The following GDAP1 variants were observed in gnomAD, a reference collection of about 807,000 sequenced individuals.
GDAP1 encodes the protein ganglioside induced differentiation associated protein 1.
GDAP1 carries 34 observed loss-of-function variants against 40.1 expected under a neutral mutation model. The observed-to-expected ratio is 0.85, with a 90% CI of 0.64 to 1.13. GDAP1 has a LOEUF of 1.13. Among genes scored for constraint, GDAP1 ranks in the 50% most tolerant of loss-of-function variants. The pLI is 0.00. For missense variants in GDAP1, 374 were observed against 433.7 expected (o/e 0.86, Z 1.22); for synonymous variants, 170 against 157.4 (o/e 1.08, Z -0.60).
intron 2 of GDAP1, among the ~76,000 whole-genome samples, chr8:74,394,154 G>A (rs1426972761): frequency 2.0e-5 from 3 of 152,170 alleles, no homozygotes; most frequent in African/African-American, 4.8e-5. Flanking sequence ...CACGTCCTAC[G>A]TGGATGGCTG....
chr8:74,473,577 T>C (rs1348312092), intron 2 of GDAP1, among the ~76,000 whole-genome samples: 1 of 152,218 alleles, frequency 6.6e-6, no homozygotes, highest in African/African-American at 2.4e-5. Context: ...GCTTGCTTTT[T>C]TTCAGCTTTG....
chr8:74,459,494 T>G (rs963197159), intron 2 of GDAP1, among the ~76,000 whole-genome samples: 1 of 152,180 alleles, frequency 6.6e-6, no homozygotes, highest in Non-Finnish European at 1.5e-5. Context: ...TGACAGGCAC[T>G]CCAGGTGATT....
At chr8:74,448,354 T>C (rs899122948) in intron 2 of GDAP1, among the ~76,000 whole-genome samples, 4 of 152,188 alleles carry the variant, frequency 2.6e-5, no homozygotes, top group African/African-American at 9.6e-5. Context: ...TGAAGAGTTT[T>C]GTTATATGAA....
chr8:74,389,948 C>G (rs919211978), intron 2 of GDAP1, among the ~76,000 whole-genome samples: 1 of 152,060 alleles, frequency 6.6e-6, no homozygotes, highest in Non-Finnish European at 1.5e-5. Context: ...CTGATATGTT[C>G]AATCTCCGAT....
At chr8:74,480,599 A>G (rs1806698400) in intron 2 of GDAP1, among the ~76,000 whole-genome samples, 1 of 152,224 alleles carries the variant, frequency 6.6e-6, no homozygotes, top group Non-Finnish European at 1.5e-5. Context: ...CATAAAAGGA[A>G]GTTGTTGCCT....
At chr8:74,368,620 A>G (rs921005439), downstream of GDAP1, among the ~76,000 whole-genome samples, 1 of 152,200 alleles carries the variant, frequency 6.6e-6, no homozygotes, top group African/African-American at 2.4e-5. Context: ...GCAATTTACT[A>G]GAGATATTGG....
chr8:74,459,005 A>G (rs1200565809), intron 2 of GDAP1, among the ~76,000 whole-genome samples: 1 of 152,090 alleles, frequency 6.6e-6, no homozygotes, highest in Non-Finnish European at 1.5e-5. Flanking sequence ...GGTGGTTTTA[A>G]CTCACCCTGT....
intron 5 of GDAP1, among the ~76,000 whole-genome samples, 190 bp from the exon 6 acceptor site, chr8:74,363,795 C>T (rs377666685): frequency 1.3e-5 from 2 of 152,096 alleles, no homozygotes; most frequent in East Asian, 1.9e-4. Flanking sequence ...GCCTAGGATA[C>T]GTTTGCATGG....
At chr8:74,448,271 A>T (rs553129648) in intron 2 of GDAP1, among the ~76,000 whole-genome samples, 2 of 151,906 alleles carry the variant, frequency 1.3e-5, no homozygotes, top group South Asian at 4.2e-4. Flanking sequence ...ATGTCTTTTC[A>T]TTTGCTCCAC....
chr8:74,384,203 T>C (rs1484862887), intron 2 of GDAP1, among the ~76,000 whole-genome samples: 1 of 152,016 alleles, frequency 6.6e-6, no homozygotes, highest in Non-Finnish European at 1.5e-5. Flanking sequence ...CCCGAGAAGA[T>C]TGTGTGTGTT....
chr8:74,377,811 G>A (rs1434354694), intron 2 of GDAP1, among the ~76,000 whole-genome samples: 1 of 152,174 alleles, frequency 6.6e-6, no homozygotes, highest in African/African-American at 2.4e-5. Flanking sequence ...CCACATGTTT[G>A]TGCAGGCTTT....
At chr8:74,362,537 T>C (rs1022703789) in intron 4 of GDAP1, among the ~76,000 whole-genome samples, 3 of 152,176 alleles carry the variant, frequency 2.0e-5, no homozygotes, top group African/African-American at 7.2e-5. Context: ...CTTGACTGAC[T>C]CTCCACTCGC....
intron 2 of GDAP1, among the ~76,000 whole-genome samples, chr8:74,405,984 G>T (rs1805634144): frequency 6.7e-6 from 1 of 150,040 alleles, no homozygotes; most frequent in Non-Finnish European, 1.5e-5. Flanking sequence ...CCACATGGGA[G>T]ATTTTCCAAG....
intron 2 of GDAP1, among the ~76,000 whole-genome samples, chr8:74,436,206 G>T (rs900280819): frequency 6.6e-6 from 1 of 152,032 alleles, no homozygotes; most frequent in Non-Finnish European, 1.5e-5. Context: ...TTAATACATG[G>T]CTCTGTCCAC....
chr8:74,455,191 A>C (rs533778353), intron 2 of GDAP1, among the ~76,000 whole-genome samples: 1 of 152,120 alleles, frequency 6.6e-6, no homozygotes, highest in African/African-American at 2.4e-5. Context: ...ACATATTTGT[A>C]ATCACTTTTC....
At chr8:74,458,270 A>C (rs578237832) in intron 2 of GDAP1, among the ~76,000 whole-genome samples, 8 of 151,940 alleles carry the variant, frequency 5.3e-5, no homozygotes, top group Non-Finnish European at 1.0e-4. Flanking sequence ...AATATATATA[A>C]ATTAATATAA....
intron 2 of GDAP1, among the ~76,000 whole-genome samples, chr8:74,431,533 G>A (rs1806024888): frequency 6.6e-6 from 1 of 151,966 alleles, no homozygotes; most frequent in South Asian, 2.1e-4. Context: ...CCAGGCTGGA[G>A]CACAGTGGCT....
At chr8:74,386,777 GT>G (rs1332001777) in intron 2 of GDAP1, among the ~76,000 whole-genome samples, 2 of 152,184 alleles carry the variant, frequency 1.3e-5, no homozygotes, top group African/African-American at 4.8e-5. Flanking sequence ...CCTTTGGGCA[GT>G]ATGGCCATTT....
intron 2 of GDAP1, 52 bp from the exon 3 acceptor site, chr8:74,360,085 G>T: frequency 7.3e-7 from 1 of 1,367,812 alleles, no homozygotes; most frequent in Non-Finnish European, 1.0e-6. Context: ...GCTTTTGAGT[G>T]TAACAACTCA....
Sources: gnomAD v4.1 joint callset for allele counts (sites outside exome capture counted in the v4.1 genomes callset) on GRCh38, gnomAD v4.1.1 for gene constraint, MANE v1.5 for transcripts, NCBI Gene and HGNC (gene_info 2026-07-23, HGNC 2026-07-21) for gene names.